PRRX2: variants seen among roughly 807,000 people sequenced by gnomAD.
PRRX2 encodes the protein paired related homeobox 2.
Under a neutral mutation model 18.0 loss-of-function variants are expected in PRRX2, and 11 were observed. That is an observed-to-expected ratio of 0.61 (90% confidence interval 0.39 to 1.01). The LOEUF (loss-of-function observed/expected upper bound fraction) is 1.01, where lower values mean the gene tolerates loss of function less well. Among genes scored for constraint, PRRX2 ranks in the 50% least tolerant of loss-of-function variants. The pLI is 0.01. For missense variants in PRRX2, 387 were observed against 351.0 expected, an observed-to-expected ratio of 1.10 and a Z score of -0.82; for synonymous variants, 177 against 154.8, an observed-to-expected ratio of 1.14 and a Z score of -1.06.
chr9:129,685,639 G>C (rs10119898), intron 1 of PRRX2, among the ~76,000 whole-genome samples: 2 of 152,128 alleles, frequency 1.3e-5, no homozygotes. Context: ...CACTGCGCCC[G>C]GCCAGTTTCC....
At chr9:129,717,927 A>AG (rs1490640552) in intron 1 of PRRX2, among the ~76,000 whole-genome samples, 1 of 152,140 alleles carries the variant, frequency 6.6e-6, no homozygotes, top group African/African-American at 2.4e-5. Flanking sequence ...GCTGGAGGGA[A>AG]GGGGGTTTGG....
intron 1 of PRRX2, among the ~76,000 whole-genome samples, chr9:129,705,278 G>C (rs1359458063): frequency 6.6e-6 from 1 of 152,174 alleles, no homozygotes; most frequent in Non-Finnish European, 1.5e-5. Context: ...AAAACGCAGG[G>C]GCTGAGGGAT....
chr9:129,706,562 C>CA (rs58955002), intron 1 of PRRX2, among the ~76,000 whole-genome samples: 218 of 138,638 alleles, frequency 1.6e-3, no homozygotes, highest in African/African-American at 3.7e-3. Context: ...AACTCCATCT[C>CA]AAAAAAAAAA....
At position 129,680,530 on chromosome 9, in the gene PRRX2, G is replaced by A. The variant is rs564587672; in HGVS notation, c.259+14404G>A. Among the ~76,000 whole-genome samples the A allele has an allele frequency of 2.5e-4, 27 of 108,026 alleles. No individual in the cohort carries two copies. The East Asian group carries it at 8.2e-3, about 33-fold the overall frequency. 70.9% of individuals were successfully genotyped at this position (108,026 alleles called of 152,430 possible). A position where few individuals can be genotyped will look rare whatever the true frequency, so the allele number is the denominator to read the frequency against. ...CAGATGTCCCATTTAGGACCATCACGTTCCCTTCACAGATGGAAAAACTGA... is the reference window on the plus strand; with the variant it reads ...CAGATGTCCCATTTAGGACCATCACATTCCCTTCACAGATGGAAAAACTGA... On this transcript the variant is annotated intron_variant, in intron 1 of 3. Coordinates refer to ENST00000372469, the MANE Select transcript of PRRX2 (RefSeq NM_016307.4).
chr9:129,693,410 A>G (rs1009457827), intron 1 of PRRX2, among the ~76,000 whole-genome samples: 1 of 152,308 alleles, frequency 6.6e-6, no homozygotes, highest in South Asian at 2.1e-4. Context: ...CCTGGCCAAC[A>G]TGGCGAAACC....
chr9:129,709,370 GGGGACATGA>G lies in PRRX2; in HGVS notation c.260-9856_260-9848del, dbSNP rs1485287544. 6.6e-6 allele frequency among the ~76,000 whole-genome samples: 1 copy of G among 152,170 alleles called. No individual in the cohort carries two copies. The highest frequency in any genetic ancestry group is 1.5e-5 in the Non-Finnish European group (1 of 68,030). ...AAGCAGGGCTCTGCTGAGGTTTGTG[GGGGACATGA>G]GGGAACCTCCTCCAGCCTCCTCCAA... On this transcript the variant is annotated intron_variant, in intron 1 of 3. Coordinates refer to ENST00000372469, the MANE Select transcript of PRRX2 (RefSeq NM_016307.4). This position sits in a 1 kb window ranked among gnomAD's most constrained non-coding sequence, Gnocchi z 4.2.
chr9:129,710,187 G>A (rs1832601914), intron 1 of PRRX2, among the ~76,000 whole-genome samples: 1 of 152,164 alleles, frequency 6.6e-6, no homozygotes, highest in Non-Finnish European at 1.5e-5. Context: ...GGTCCATGGT[G>A]AGAGGGCGTG....
rs562729622 is a variant in PRRX2, at chr9:129,695,104, A to G, written c.260-24127A>G. Among the ~76,000 whole-genome samples, 6 of 152,292 alleles carry G rather than the reference A, an allele frequency of 3.9e-5. No individual in the cohort carries two copies. In the South Asian group the frequency reaches 1.2e-3, roughly 32 times the overall value. ...ACCTAGCAGTCCAGGGAGAACCCCA[A>G]CACCCCACAGGCAAGTGGCTGGACC... On this transcript the variant is annotated intron_variant, in intron 1 of 3. Coordinates refer to ENST00000372469, the MANE Select transcript of PRRX2 (RefSeq NM_016307.4). The surrounding 1 kb of genome is among the most constrained non-coding windows in gnomAD (Gnocchi z 4.8).
intron 1 of PRRX2, among the ~76,000 whole-genome samples, chr9:129,679,548 G>C (rs913565583): frequency 1.1e-4 from 16 of 152,338 alleles, no homozygotes; most frequent in African/African-American, 3.4e-4. Context: ...AAGTTACACA[G>C]TAAGTACGTG....
chr9:129,684,532 A>C (rs2417147), intron 1 of PRRX2, among the ~76,000 whole-genome samples: 1,657 of 140,166 alleles, frequency 0.012, 19 homozygotes, highest in African/African-American at 0.032. Flanking sequence ...ACCCACACAC[A>C]CCCCAACAGA....
chr9:129,684,514 A>ACC (rs1564147447), intron 1 of PRRX2, among the ~76,000 whole-genome samples: 4 of 39,686 alleles, frequency 1.0e-4, no homozygotes, highest in African/African-American at 2.5e-4. Flanking sequence ...ACACACACAC[A>ACC]CACACACACC....
intron 2 of PRRX2, among the ~76,000 whole-genome samples, chr9:129,719,858 G>A (rs558542028): frequency 1.3e-5 from 2 of 152,196 alleles, no homozygotes; most frequent in South Asian, 2.1e-4. Context: ...GTGCTGGCGC[G>A]CGCCTGTAAT....
intron 1 of PRRX2, among the ~76,000 whole-genome samples, chr9:129,680,415 A>G (rs1832212832): frequency 7.7e-6 from 1 of 129,536 alleles, no homozygotes; most frequent in African/African-American, 3.1e-5. Flanking sequence ...AAAAAAAAAA[A>G]AGAAAAGAAA....
chr9:129,677,327 A>G (rs1832172668), intron 1 of PRRX2, among the ~76,000 whole-genome samples: 1 of 152,244 alleles, frequency 6.6e-6, no homozygotes, highest in Non-Finnish European at 1.5e-5. Context: ...GCTTAGAAGG[A>G]TAAAGTGACT....
At chr9:129,720,508 C>G in intron 2 of PRRX2, 88 bp from the exon 3 acceptor site, 2 of 1,307,578 alleles carry the variant, frequency 1.5e-6, no homozygotes, top group Non-Finnish European at 2.1e-6. Flanking sequence ...CAGCCCTGGG[C>G]TGGTGACAGA....
chr9:129,669,111 A>G (rs1446333521), intron 1 of PRRX2, among the ~76,000 whole-genome samples: 1 of 151,988 alleles, frequency 6.6e-6, no homozygotes, highest in African/African-American at 2.4e-5. Flanking sequence ...GACACCAATG[A>G]GTTAGGAATT....
In PRRX2 at chr9:129,719,341, G is replaced by A. The variant is rs777417092; in HGVS notation, c.370G>A (p.Glu124Lys). ...ACTGCAGGCGCTGGAGCGCGTGTTC[G>A]AGCGCACGCACTACCCCGACGCCTT... ...SQLQALERVF[E>K]RTHYPDAFVR... Residue 124 changes from glutamate to lysine, a missense_variant, in exon 2 of 4, where the codon GAG becomes AAG. Physicochemically the swap from Glu to Lys is moderately conservative, Grantham distance 56. Transcript: ENST00000372469. 6.3e-7 allele frequency: 1 copy of A among 1,596,228 alleles called. No individual in the cohort carries two copies.
At chr9:129,714,546 A>G (rs1442297170) in intron 1 of PRRX2, among the ~76,000 whole-genome samples, 1 of 152,182 alleles carries the variant, frequency 6.6e-6, no homozygotes, top group African/African-American at 2.4e-5. Flanking sequence ...ATCCCATCAC[A>G]GCTGCCTTGG....
chr9:129,703,439 T>G (rs1832522121), intron 1 of PRRX2, among the ~76,000 whole-genome samples: 1 of 152,246 alleles, frequency 6.6e-6, no homozygotes, highest in East Asian at 1.9e-4. Flanking sequence ...CTGGAAATGG[T>G]TAACTTTTCC....
Sources: allele counts gnomAD v4.1 joint callset (sites outside exome capture counted in the v4.1 genomes callset), GRCh38; gene constraint gnomAD v4.1.1; non-coding constraint Gnocchi (gnomAD v3.1); transcripts MANE v1.5; gene names NCBI Gene and HGNC (gene_info 2026-07-23, HGNC 2026-07-21).